The following JARID2 variants were observed in gnomAD, a reference collection of about 807,000 sequenced individuals.
The protein encoded by JARID2 is protein Jumonji.
A neutral mutation model predicts 125.6 loss-of-function variants in JARID2; 21 were observed. That is an observed-to-expected ratio of 0.17 (90% CI 0.12 to 0.24). JARID2 has a LOEUF of 0.24. Ranked by LOEUF, JARID2 falls within the 10% of genes least tolerant of loss-of-function variation. The pLI, the probability that JARID2 is intolerant of heterozygous loss-of-function variation, is 1.00. For missense variants in JARID2, 1,303 were observed against 1,639.6 expected (o/e 0.79, Z 3.55); for synonymous variants, 736 against 661.6 (o/e 1.11, Z -1.73).
intron 3 of JARID2, among the ~76,000 whole-genome samples, chr6:15,411,136 C>T (rs1765858007): frequency 6.6e-6 from 1 of 151,940 alleles, no homozygotes; most frequent in Admixed American, 6.6e-5. Flanking sequence ...GGAGGACCAG[C>T]TTCCTGACTT....
At chr6:15,438,851 G>GT (rs559723249) in intron 3 of JARID2, among the ~76,000 whole-genome samples, 7 of 152,272 alleles carry the variant, frequency 4.6e-5, no homozygotes, top group African/African-American at 1.2e-4. Flanking sequence ...GGGTAACATG[G>GT]TGAAACCCTG....
intron 1 of JARID2, among the ~76,000 whole-genome samples, chr6:15,349,156 T>A (rs147554393): frequency 1.3e-5 from 2 of 152,332 alleles, no homozygotes; most frequent in African/African-American, 4.8e-5. Context: ...ATCTATGAAG[T>A]CATAGCTCAT....
intron 1 of JARID2, among the ~76,000 whole-genome samples, chr6:15,275,524 G>T (rs1043285611): frequency 1.5e-4 from 1 of 6,768 alleles, no homozygotes; most frequent in Non-Finnish European, 2.7e-4. Context: ...TCCATTTACC[G>T]CCCCCCCCGC....
In JARID2 at chr6:15,454,746, A is replaced by G. The variant is rs74383062; in HGVS notation, c.493+2571A>G. Among the ~76,000 whole-genome samples the G allele has an allele frequency of 2.8e-3, 426 of 152,162 alleles. 2 individuals are homozygous for G. The highest frequency in any genetic ancestry group is 9.7e-3 in the African/African-American group (401 of 41,510). On this transcript the variant is annotated intron_variant, in intron 4 of 17. Coordinates refer to ENST00000341776, the MANE Select transcript of JARID2 (RefSeq NM_004973.4). ...TTCTCATGCCATCTTGGCCTCCCAA[A>G]GTGCTGGGATGACAGGCATGAGCCA... is the stretch of plus-strand genomic sequence containing the variant.
intron 4 of JARID2, among the ~76,000 whole-genome samples, chr6:15,465,080 A>G (rs1305262482): frequency 1.3e-5 from 2 of 152,166 alleles, no homozygotes; most frequent in Admixed American, 6.5e-5. Context: ...AGCAGGTCAC[A>G]TCACATATTC....
intron 3 of JARID2, among the ~76,000 whole-genome samples, chr6:15,438,714 C>T (rs1767319322): frequency 6.6e-6 from 1 of 152,148 alleles, no homozygotes; most frequent in Non-Finnish European, 1.5e-5. Context: ...TCCACAGTAT[C>T]CTTCTATCTG....
intron 1 of JARID2, among the ~76,000 whole-genome samples, chr6:15,353,222 A>G (rs933789180): frequency 3.3e-5 from 5 of 152,202 alleles, no homozygotes; most frequent in Non-Finnish European, 7.4e-5. Flanking sequence ...CTGTCTTTTT[A>G]GAAAAATAGT....
chr6:15,431,612 A>G (rs1017915402), intron 3 of JARID2, among the ~76,000 whole-genome samples: 4 of 152,240 alleles, frequency 2.6e-5, no homozygotes, highest in African/African-American at 7.2e-5. Flanking sequence ...AGACCAGGAT[A>G]TAATTTTAAA....
intron 11 of JARID2, 63 bp downstream of exon 11, chr6:15,507,479 C>A: frequency 1.4e-6 from 2 of 1,425,800 alleles, no homozygotes; most frequent in Non-Finnish European, 2.0e-6. Context: ...TTGCTGAGAA[C>A]CAGGGCTGGG....
intron 14 of JARID2, among the ~76,000 whole-genome samples, chr6:15,512,618 C>A (rs1192145082): frequency 6.6e-6 from 1 of 152,106 alleles, no homozygotes; most frequent in Non-Finnish European, 1.5e-5. Context: ...TACTGACAGA[C>A]CCCTCCAGTA....
rs546175736 is a variant in JARID2, at chr6:15,260,759, C to G, written c.45+14175C>G. The stretch of plus-strand genomic sequence containing the variant: ...TGGGTTTTCTTTTGGCCCTGGTAAG[C>G]TGGAAAGCATTGGGAGGTGGGGAGG... On this transcript the variant is annotated intron_variant, in intron 1 of 17. Transcript: ENST00000341776. 1.2e-3 allele frequency among the ~76,000 whole-genome samples: 182 copies of G among 152,302 alleles called. 2 individuals are homozygous for G. Among genetic ancestry groups the G allele is most frequent in the African/African-American group, 4.0e-3 (168 of 41,556 alleles).
intron 1 of JARID2, among the ~76,000 whole-genome samples, chr6:15,246,954 GTTATTA>G (rs1338207979): frequency 1.3e-5 from 2 of 152,188 alleles, no homozygotes; most frequent in Admixed American, 6.5e-5. Flanking sequence ...ATGAGCCTGT[GTTATTA>G]TTATTAATGT....
chr6:15,255,219 C>T (rs968180146), intron 1 of JARID2, among the ~76,000 whole-genome samples: 23 of 149,636 alleles, frequency 1.5e-4, no homozygotes, highest in Non-Finnish European at 2.4e-4. Flanking sequence ...ATTTTCCTGC[C>T]TCATCCTCTC....
intron 2 of JARID2, among the ~76,000 whole-genome samples, chr6:15,382,750 C>T (rs1764638267): frequency 1.3e-5 from 2 of 152,192 alleles, no homozygotes; most frequent in African/African-American, 4.8e-5. Context: ...GGCATGGCTG[C>T]TTGCACGCAT....
chr6:15,291,957 A>G (rs1422936454), intron 1 of JARID2, among the ~76,000 whole-genome samples: 2 of 151,928 alleles, frequency 1.3e-5, no homozygotes, highest in Admixed American at 1.3e-4. Flanking sequence ...AACCTCTCTC[A>G]TTGCCATCTT....
intron 2 of JARID2, among the ~76,000 whole-genome samples, chr6:15,375,554 C>T (rs898702579): frequency 2.0e-5 from 3 of 152,206 alleles, no homozygotes; most frequent in African/African-American, 7.2e-5. Context: ...AGCTGCTTTC[C>T]TAAAAGGCAC....
At chr6:15,452,709 A>G (rs753448231) in intron 4 of JARID2, among the ~76,000 whole-genome samples, 1 of 152,200 alleles carries the variant, frequency 6.6e-6, no homozygotes, top group Non-Finnish European at 1.5e-5. Context: ...TTCAACTCGG[A>G]CCAGTTAACG....
chr6:15,387,245 G>A (rs1169153418), intron 2 of JARID2, among the ~76,000 whole-genome samples: 1 of 152,186 alleles, frequency 6.6e-6, no homozygotes, highest in Non-Finnish European at 1.5e-5. Flanking sequence ...GTGTGCGTGT[G>A]CCTGTGGTGG....
chr6:15,397,260 A>G (rs1455170893), intron 2 of JARID2, among the ~76,000 whole-genome samples: 1 of 152,220 alleles, frequency 6.6e-6, no homozygotes, highest in Non-Finnish European at 1.5e-5. Flanking sequence ...ACCCTATGTG[A>G]TATGGTCAAT....
Sources: allele counts gnomAD v4.1 joint callset (sites outside exome capture counted in the v4.1 genomes callset), GRCh38; gene constraint gnomAD v4.1.1; transcripts MANE v1.5; gene names NCBI Gene and HGNC (gene_info 2026-07-23, HGNC 2026-07-21).